The following TBC1D4 variants were observed in gnomAD, a reference collection of about 807,000 sequenced individuals.
TBC1D4 encodes the protein TBC (Tre-2, BUB2, CDC16) domain-containing protein.
A neutral mutation model predicts 142.5 loss-of-function variants in TBC1D4; 121 were observed. That is an observed-to-expected ratio of 0.85 (90% CI 0.73 to 0.99). The LOEUF (loss-of-function observed/expected upper bound fraction) is 0.99. Ranked by LOEUF, TBC1D4 falls within the 50% of genes least tolerant of loss-of-function variation. The probability of loss-of-function intolerance (pLI) is 0.00; values close to 1 mark genes in which losing one functional copy is unlikely to be tolerated. For missense variants in TBC1D4, 1,475 were observed against 1,606.6 expected (o/e 0.92, Z 1.40); for synonymous variants, 630 against 628.2 (o/e 1.00, Z -0.04).
chr13:75,380,954 C>A lies in TBC1D4; in HGVS notation c.499-18347G>T, dbSNP rs75623433. Among the ~76,000 whole-genome samples, 52 of 152,228 alleles carry A rather than the reference C, an allele frequency of 3.4e-4. No homozygotes were observed. The East Asian group carries it at 9.5e-3, about 28-fold the overall frequency. ...GTCAAAATTTTACAGTAAGACAGAT[C>A]TGGGTTCCATTCCCAGCTAGATCAC... On this transcript the variant is annotated intron_variant, in intron 1 of 20. Coordinates refer to ENST00000377636, the MANE Select transcript of TBC1D4 (RefSeq NM_014832.5).
At chr13:75,333,216 T>C (rs1334649954) in intron 8 of TBC1D4, among the ~76,000 whole-genome samples, 3 of 152,218 alleles carry the variant, frequency 2.0e-5, no homozygotes, top group African/African-American at 7.2e-5. Flanking sequence ...GGGTACCTTT[T>C]GAAACTTTGT....
intron 15 of TBC1D4, 64 bp from the exon 16 acceptor site, chr13:75,302,465 T>A: frequency 6.3e-7 from 1 of 1,591,468 alleles, no homozygotes; most frequent in Non-Finnish European, 8.6e-7. Context: ...AGATCCCAGC[T>A]GATTCACTAT....
At chr13:75,451,035 A>G (rs1345758914) in intron 1 of TBC1D4, among the ~76,000 whole-genome samples, 1 of 152,148 alleles carries the variant, frequency 6.6e-6, no homozygotes, top group African/African-American at 2.4e-5. Flanking sequence ...ATTTCCCCCA[A>G]AAGTATAGTA....
At position 75,326,186 on chromosome 13, in the gene TBC1D4, G is replaced by T; in HGVS notation, c.2033+11C>A. On this transcript the variant is annotated intron_variant, in intron 10 of 20. Coordinates refer to ENST00000377636, the MANE Select transcript of TBC1D4 (RefSeq NM_014832.5). Reference sequence around the variant, plus strand: ...GAATCTAGGTCTCATTCTGGAGAGGGTCAGACTCACCTGCACTGTTCACTG... The same window carrying T: ...GAATCTAGGTCTCATTCTGGAGAGGTTCAGACTCACCTGCACTGTTCACTG... 6.2e-7 allele frequency: 1 copy of T among 1,613,808 alleles called. No individual in the cohort carries two copies. The highest frequency in any genetic ancestry group is 1.6e-4 in the Middle Eastern group (1 of 6,062).
intron 1 of TBC1D4, among the ~76,000 whole-genome samples, chr13:75,455,127 A>G (rs901609043): frequency 3.1e-4 from 47 of 152,126 alleles, no homozygotes; most frequent in African/African-American, 1.1e-3. Context: ...TTCCAACTAC[A>G]CAGCTCAATG....
chr13:75,320,836 A>G (rs1452457555), intron 11 of TBC1D4, among the ~76,000 whole-genome samples: 1 of 149,248 alleles, frequency 6.7e-6, no homozygotes, highest in Non-Finnish European at 1.5e-5. Context: ...ATCCTGGCTA[A>G]CACGGTGAAA....
chr13:75,391,714 T>G (rs1053717599), intron 1 of TBC1D4, among the ~76,000 whole-genome samples: 2 of 152,208 alleles, frequency 1.3e-5, no homozygotes, highest in Non-Finnish European at 2.9e-5. Context: ...AGTCATTTCA[T>G]GCAGTCTTCT....
chr13:75,327,811 TC>T lies in TBC1D4; in HGVS notation c.1746del (p.Met582IlefsTer73). The T allele has an allele frequency of 1.2e-6, 2 of 1,614,006 alleles. No homozygotes were observed. Among genetic ancestry groups the T allele is most frequent in the Non-Finnish European group, 1.7e-6 (2 of 1,179,898 alleles). On this transcript the variant is annotated frameshift_variant, in exon 9 of 21. Coordinates refer to ENST00000377636, the MANE Select transcript of TBC1D4 (RefSeq NM_014832.5). LOFTEE classifies it high-confidence loss of function. Reference sequence around the variant, plus strand: ...CTGTCCACACTTCCAAGCCGACCTCTCATTCTGTTAGCTCCCTGAGTGAAAA... The same window carrying T: ...CTGTCCACACTTCCAAGCCGACCTCTATTCTGTTAGCTCCCTGAGTGAAAA... ...ENIFSRGANR[M>X]RGRLGSVDSF...
rs768426198 is a variant in TBC1D4, at chr13:75,292,083, A to G, written c.3486+19T>C. On this transcript the variant is annotated intron_variant, in intron 19 of 20. Transcript: ENST00000377636. ...GTAGAGAAAACTGCTATATAATACT[A>G]TTAGCATTTAAATCATACCTGGGTA... is the stretch of plus-strand genomic sequence containing the variant. 13 of 1,592,410 alleles carry G rather than the reference A, an allele frequency of 8.2e-6. No individual in the cohort carries two copies. The East Asian group carries it at 2.7e-4, about 33-fold the overall frequency.
At chr13:75,373,070 T>C (rs1292069271) in intron 1 of TBC1D4, among the ~76,000 whole-genome samples, 26 of 152,212 alleles carry the variant, frequency 1.7e-4, no homozygotes, top group Admixed American at 1.7e-3. Context: ...CAAGGCTTAA[T>C]TGTGCAATGA....
At chr13:75,360,554 T>G (rs1198439606) in intron 2 of TBC1D4, among the ~76,000 whole-genome samples, 2 of 51,190 alleles carry the variant, frequency 3.9e-5, no homozygotes, top group Non-Finnish European at 1.2e-4. Context: ...TTTTTTTTAA[T>G]CAGGGGTGTG....
chr13:75,359,941 A>G, intron 2 of TBC1D4, 83 bp from the exon 3 acceptor site: 1 of 1,074,814 alleles, frequency 9.3e-7, no homozygotes, highest in Non-Finnish European at 1.4e-6. Flanking sequence ...AACTAATAAT[A>G]TAGATTCAAA....
intron 20 of TBC1D4, 120 bp downstream of exon 20, chr13:75,288,814 T>C (rs565780394): frequency 1.9e-6 from 2 of 1,074,946 alleles, no homozygotes; most frequent in Non-Finnish European, 2.8e-6. Context: ...GACAGTCTGA[T>C]ACATGGGCTC....
At chr13:75,473,841 T>C (rs1209278189) in intron 1 of TBC1D4, among the ~76,000 whole-genome samples, 1 of 152,230 alleles carries the variant, frequency 6.6e-6, no homozygotes, top group African/African-American at 2.4e-5. Context: ...ATCAAAGACA[T>C]ATTAAAAGAT....
intron 8 of TBC1D4, among the ~76,000 whole-genome samples, chr13:75,335,030 C>CA (rs5804804): frequency 0.46 from 70,471 of 151,936 alleles, 16,690 homozygotes; most frequent in East Asian, 0.71. Context: ...CAGGCTGTGC[C>CA]ACTCCCTGCT....
rs1878128349 is a variant in TBC1D4, at chr13:75,314,775, T to C, written c.2223-1877A>G. On this transcript the variant is annotated intron_variant, in intron 12 of 20. Transcript: ENST00000377636. ...TGAGGTCAGGAGTTCAAGAGTAGCA[T>C]GGCCAACATGGTGAAACCCTGTCTC... 2.7e-5 allele frequency among the ~76,000 whole-genome samples: 4 copies of C among 145,958 alleles called. No individual in the cohort carries two copies. In the South Asian group the frequency reaches 6.6e-4, roughly 24 times the overall value.
intron 7 of TBC1D4, among the ~76,000 whole-genome samples, chr13:75,337,941 A>G (rs1880363310): frequency 6.6e-6 from 1 of 152,206 alleles, no homozygotes; most frequent in African/African-American, 2.4e-5. Flanking sequence ...TTACTTCTGC[A>G]CCTGCCTAAT....
intron 7 of TBC1D4, 39 bp downstream of exon 7, chr13:75,341,086 C>G: frequency 6.3e-7 from 1 of 1,580,240 alleles, no homozygotes; most frequent in Non-Finnish European, 8.7e-7. Context: ...AATTATTAAA[C>G]AACAACAAAA....
chr13:75,431,352 C>T (rs1886586238), intron 1 of TBC1D4, among the ~76,000 whole-genome samples: 1 of 152,140 alleles, frequency 6.6e-6, no homozygotes, highest in East Asian at 1.9e-4. Context: ...GTACTATTTT[C>T]TTTAACTTCC....
Sources: allele counts gnomAD v4.1 joint callset (sites outside exome capture counted in the v4.1 genomes callset), GRCh38; gene constraint gnomAD v4.1.1; transcripts MANE v1.5; gene names NCBI Gene and HGNC (gene_info 2026-07-23, HGNC 2026-07-21).